Variants in ANXA5 observed in about 807,000 individuals in gnomAD.
ANXA5 encodes annexin A5, also known as CBP-I.
Under a neutral mutation model 48.1 loss-of-function variants are expected in ANXA5, and 40 were observed. The observed-to-expected ratio is 0.83, with a 90% CI of 0.65 to 1.08. The LOEUF (loss-of-function observed/expected upper bound fraction) is 1.08, where lower values mean the gene tolerates loss of function less well. Ranked by LOEUF, ANXA5 falls within the 50% of genes least tolerant of loss-of-function variation. The pLI, the probability that ANXA5 is intolerant of heterozygous loss-of-function variation, is 0.00. For synonymous variants in ANXA5, 113 were observed against 129.1 expected, an observed-to-expected ratio of 0.88 and a Z score of 0.85; for missense variants, 357 against 376.8, an observed-to-expected ratio of 0.95 and a Z score of 0.44.
intron 2 of ANXA5, among the ~76,000 whole-genome samples, chr4:121,687,301 CAAAAAA>C (rs79008900): frequency 3.7e-5 from 2 of 53,744 alleles, no homozygotes; most frequent in South Asian, 6.2e-4. Context: ...CTCTGTCTCA[CAAAAAA>C]AAAAAAAAAA....
intron 11 of ANXA5, 87 bp downstream of exon 11, chr4:121,669,867 G>T: frequency 6.2e-6 from 9 of 1,445,862 alleles, no homozygotes; most frequent in Non-Finnish European, 8.6e-6. Flanking sequence ...AATTCCCAAG[G>T]TCTATCATCT....
intron 12 of ANXA5, 44 bp downstream of exon 12, chr4:121,669,558 C>G (rs906834817): frequency 6.2e-6 from 10 of 1,609,754 alleles, no homozygotes; most frequent in Non-Finnish European, 8.5e-6. Flanking sequence ...ACATACCAGT[C>G]TGCTTTGGAT....
chr4:121,682,485 A>G (rs1423569884), intron 5 of ANXA5, among the ~76,000 whole-genome samples: 3 of 152,118 alleles, frequency 2.0e-5, no homozygotes, highest in African/African-American at 7.2e-5. Flanking sequence ...TTTGCCAAAA[A>G]TCAAGCACTG....
At chr4:121,696,784 G>A (rs1725092065) in intron 1 of ANXA5, 79 bp downstream of exon 1, 3 of 408,394 alleles carry the variant, frequency 7.3e-6, no homozygotes, top group Non-Finnish European at 1.3e-5. Flanking sequence ...TCTCGGCCGA[G>A]CGTCCGCGCG....
chr4:121,670,877 C>A (rs1578439263), intron 10 of ANXA5, among the ~76,000 whole-genome samples: 1 of 152,014 alleles, frequency 6.6e-6, no homozygotes, highest in Non-Finnish European at 1.5e-5. Context: ...AGACAGAGAG[C>A]ACAAAAGTGT....
chr4:121,668,476 C>A lies in ANXA5; in HGVS notation c.955G>T (p.Asp319Tyr). 1 of 1,613,512 alleles carries A rather than the reference C, an allele frequency of 6.2e-7. No homozygotes were observed. The highest frequency in any genetic ancestry group is 8.5e-7 in the Non-Finnish European group (1 of 1,179,574). Residue 319 changes from aspartate (D) to tyrosine (Y), a missense_variant, in exon 13 of 13, where the codon GAT becomes TAT. Coordinates refer to ENST00000296511, the MANE Select transcript of ANXA5 (RefSeq NM_001154.4). ...CTCTTCCCCGTGACACGTTAGTCATCTTCTCCACAGAGCAGCAGAAGAGCT... is the reference window on the plus strand; with the variant it reads ...CTCTTCCCCGTGACACGTTAGTCATATTCTCCACAGAGCAGCAGAAGAGCT... ...KKALLLLCGEDD is the reference protein window; with the variant it reads ...KKALLLLCGEYD
intron 5 of ANXA5, among the ~76,000 whole-genome samples, chr4:121,683,150 G>A (rs1391105565): frequency 1.3e-5 from 2 of 152,002 alleles, no homozygotes; most frequent in Non-Finnish European, 2.9e-5. Flanking sequence ...AAACAGCCCA[G>A]TATTATTGAG....
chr4:121,668,307 G>A lies in ANXA5; in HGVS notation c.*161C>T, dbSNP rs1009244535. 1 of 612,628 alleles carries A rather than the reference G, an allele frequency of 1.6e-6. No homozygotes were observed. The highest frequency in any genetic ancestry group is 2.9e-6 in the Non-Finnish European group (1 of 342,410). 37.9% of individuals were successfully genotyped at this position (612,628 alleles called of 1,614,324 possible). On this transcript the variant is annotated 3_prime_UTR_variant, in exon 13 of 13. Coordinates refer to ENST00000296511, the MANE Select transcript of ANXA5 (RefSeq NM_001154.4). ...GATCTCCACTAGAGATCAGAAAGAA[G>A]CACCACTATTTTCTTCTATGACGTG...
chr4:121,678,091 C>A, intron 7 of ANXA5, 141 bp from the exon 8 acceptor site: 1 of 719,514 alleles, frequency 1.4e-6, no homozygotes, highest in East Asian at 2.6e-5. Context: ...TGCACTATTT[C>A]ACGTTATCAT....
Position 121,694,118 on chromosome 4 carries a change from G to GC in ANXA5, c.9+2462_9+2463insG, listed in dbSNP as rs1309189096. 2.1e-4 allele frequency among the ~76,000 whole-genome samples: 22 copies of GC among 104,516 alleles called. 2 individuals are homozygous for GC. The highest frequency in any genetic ancestry group is 6.9e-4 in the Admixed American group (7 of 10,100). The allele number at this position is 104,516 out of a possible 152,430, so 68.6% of individuals were successfully genotyped here. On this transcript the variant is annotated intron_variant, in intron 2 of 12. Coordinates refer to ENST00000296511, the MANE Select transcript of ANXA5 (RefSeq NM_001154.4). ...TATTGTGGGCGGGGGGGAGGGGGGA[G>GC]GGATAGCATTAGGAGATACAGCTAA...
intron 2 of ANXA5, among the ~76,000 whole-genome samples, chr4:121,690,743 G>A (rs1724969674): frequency 6.6e-6 from 1 of 152,194 alleles, no homozygotes; most frequent in African/African-American, 2.4e-5. Context: ...AAAGATGAAT[G>A]GAAGAAAAGC....
At chr4:121,686,131 G>A (rs1270676846) in intron 3 of ANXA5, among the ~76,000 whole-genome samples, 157 bp downstream of exon 3, 1 of 150,570 alleles carries the variant, frequency 6.6e-6, no homozygotes, top group African/African-American at 2.4e-5. Flanking sequence ...CCAAAAGACT[G>A]GACACTCTGG....
At chr4:121,669,885 A>G in intron 11 of ANXA5, 69 bp downstream of exon 11, 1 of 1,471,020 alleles carries the variant, frequency 6.8e-7, no homozygotes, top group Non-Finnish European at 9.3e-7. Context: ...TCTAAAACAT[A>G]AACAAAAGTG....
At position 121,683,867 on chromosome 4, in the gene ANXA5, G is replaced by A. The variant is rs994206151; in HGVS notation, c.190-390C>T. Among the ~76,000 whole-genome samples, 7 of 151,784 alleles carry A rather than the reference G, an allele frequency of 4.6e-5. No homozygotes were observed. In the East Asian group the frequency reaches 9.6e-4, roughly 21 times the overall value. On this transcript the variant is annotated intron_variant, in intron 4 of 12. Transcript: ENST00000296511. ...AACATTTAGTCTCTCATACCCAAAC[G>A]TAATAATTTTTTCTTTTCTCTCAAT... is the stretch of plus-strand genomic sequence containing the variant.
At chr4:121,690,242 A>T (rs1298688379) in intron 2 of ANXA5, among the ~76,000 whole-genome samples, 1 of 152,238 alleles carries the variant, frequency 6.6e-6, no homozygotes, top group Non-Finnish European at 1.5e-5. Context: ...AGCAAGTAGC[A>T]GAGATGGGAC....
chr4:121,681,108 T>C (rs528284377), intron 6 of ANXA5, among the ~76,000 whole-genome samples: 27 of 152,178 alleles, frequency 1.8e-4, no homozygotes, highest in Non-Finnish European at 3.5e-4. Flanking sequence ...CTTGATTCTA[T>C]TCATGAGACA....
In ANXA5 at chr4:121,669,686, C is replaced by T. The variant is rs1417059739; in HGVS notation, c.819G>A (p.Met273Ile). 6.2e-7 allele frequency: 1 copy of T among 1,611,676 alleles called. No individual in the cohort carries two copies. Among genetic ancestry groups the T allele is most frequent in the Non-Finnish European group, 8.5e-7 (1 of 1,179,322 alleles). ...GTDDHTLIRVMVSRSEIDLFN... is the reference protein window; with the variant it reads ...GTDDHTLIRVIVSRSEIDLFN... ...ACAGATCAATCTCACTCCTGGAAACCATGACTCTGATGAGGGTATGATCAT... is the reference window on the plus strand; with the variant it reads ...ACAGATCAATCTCACTCCTGGAAACTATGACTCTGATGAGGGTATGATCAT... The change falls in exon 12 of 13, where the codon ATG (methionine) becomes ATA (isoleucine). Residue 273 changes from methionine to isoleucine, a missense_variant. Physicochemically the swap from Met to Ile is conservative, Grantham distance 10. Coordinates refer to ENST00000296511, the MANE Select transcript of ANXA5 (RefSeq NM_001154.4).
In ANXA5 at chr4:121,668,121, A is replaced by C. The variant is rs927416660; in HGVS notation, c.*347T>G. 1.7e-5 allele frequency: 3 copies of C among 175,342 alleles called. No individual in the cohort carries two copies. Among genetic ancestry groups the C allele is most frequent in the African/African-American group, 4.7e-5 (2 of 42,290 alleles). 10.9% of individuals were successfully genotyped at this position (175,342 alleles called of 1,614,324 possible). ...CCAAGAGTTCACAATTTCAAGGCTA[A>C]GCTTCTGATTAAAGTATCATGGTTA... is the stretch of plus-strand genomic sequence containing the variant. On this transcript the variant is annotated 3_prime_UTR_variant, in exon 13 of 13. Coordinates refer to ENST00000296511, the MANE Select transcript of ANXA5 (RefSeq NM_001154.4).
intron 2 of ANXA5, among the ~76,000 whole-genome samples, chr4:121,691,757 T>C (rs1392278792): frequency 6.6e-6 from 1 of 152,184 alleles, no homozygotes; most frequent in Non-Finnish European, 1.5e-5. Flanking sequence ...CCCTACCTTA[T>C]GTACGTATTA....
Sources: allele counts gnomAD v4.1 joint callset (sites outside exome capture counted in the v4.1 genomes callset), GRCh38; gene constraint gnomAD v4.1.1; transcripts MANE v1.5; gene names NCBI Gene and HGNC (gene_info 2026-07-23, HGNC 2026-07-21).